The following TMTC1 variants were observed in gnomAD, a reference collection of about 807,000 sequenced individuals.
The protein encoded by TMTC1 is transmembrane O-mannosyltransferase targeting cadherins 1, also known as protein O-mannosyl-transferase TMTC1.
TMTC1 carries 73 observed loss-of-function variants against 104.8 expected under a neutral mutation model. That is an observed-to-expected ratio of 0.70 (90% CI 0.58 to 0.85). The LOEUF is 0.85. Ranked by LOEUF, TMTC1 falls within the 40% of genes least tolerant of loss-of-function variation. The probability of loss-of-function intolerance (pLI) is 0.00; values close to 1 mark genes in which losing one functional copy is unlikely to be tolerated. For missense variants in TMTC1, 1,035 were observed against 1,096.1 expected, an observed-to-expected ratio of 0.94 and a Z score of 0.79; for synonymous variants, 434 against 428.7, an observed-to-expected ratio of 1.01 and a Z score of -0.15.
intron 2 of TMTC1, among the ~76,000 whole-genome samples, chr12:29,765,265 T>C (rs1325459708): frequency 6.6e-6 from 1 of 152,188 alleles, no homozygotes; most frequent in East Asian, 1.9e-4. Context: ...TAACTTCCTA[T>C]GCATTGTAGA....
At chr12:29,768,130 A>C in intron 1 of TMTC1, 55 bp from the exon 2 acceptor site, 4 of 1,244,548 alleles carry the variant, frequency 3.2e-6, no homozygotes, top group Non-Finnish European at 3.3e-6. Flanking sequence ...CTCAACATAA[A>C]CACAAGGAAC....
At chr12:29,733,185 G>T (rs1942588926) in intron 5 of TMTC1, among the ~76,000 whole-genome samples, 1 of 152,174 alleles carries the variant, frequency 6.6e-6, no homozygotes. Flanking sequence ...ACAATCCTAT[G>T]AGAGAGATGT....
intron 7 of TMTC1, among the ~76,000 whole-genome samples, chr12:29,595,674 C>A (rs576319115): frequency 7.2e-5 from 11 of 152,312 alleles, no homozygotes; most frequent in East Asian, 3.9e-4. Context: ...GAGGGCACAG[C>A]GAGAGCAAAG....
chr12:29,602,386 T>C (rs927066371), intron 7 of TMTC1, among the ~76,000 whole-genome samples: 1 of 152,178 alleles, frequency 6.6e-6, no homozygotes, highest in Non-Finnish European at 1.5e-5. Flanking sequence ...TCAAGTGATA[T>C]ACATGCATCA....
rs1004364183 is a variant in TMTC1 at position 29,652,348 on chromosome 12, T to C, written c.939-19012A>G. 3.3e-5 allele frequency among the ~76,000 whole-genome samples: 5 copies of C among 152,130 alleles called. No homozygotes were observed. The South Asian group carries it at 6.2e-4, about 19-fold the overall frequency. ...AGGAAGACCCAAGATGATATTGGGG[T>C]TCCATAACTGCATGCATTTCAAGCC... is the stretch of plus-strand genomic sequence containing the variant. On this transcript the variant is annotated intron_variant, in intron 5 of 17. Transcript: ENST00000539277.
intron 5 of TMTC1, chr12:29,660,796 A>G: frequency 8.6e-7 from 1 of 1,166,744 alleles, no homozygotes; most frequent in Non-Finnish European, 1.2e-6. Flanking sequence ...ATATATATAT[A>G]TACTTACATA....
intron 5 of TMTC1, among the ~76,000 whole-genome samples, chr12:29,707,627 G>T (rs1234454850): frequency 6.6e-6 from 1 of 152,172 alleles, no homozygotes; most frequent in Admixed American, 6.5e-5. Context: ...AAACCTGGAG[G>T]ATTTTGCAGA....
chr12:29,662,836 C>T (rs73269869), intron 5 of TMTC1, among the ~76,000 whole-genome samples: 3,171 of 152,140 alleles, frequency 0.021, 104 homozygotes, highest in African/African-American at 0.072. Context: ...CAGATCTGGC[C>T]GTTCAAGTAT....
Position 29,633,096 on chromosome 12 carries a change from T to C in TMTC1, c.1128+51A>G, listed in dbSNP as rs184028780. On this transcript the variant is annotated intron_variant, in intron 6 of 17. Coordinates refer to ENST00000539277, the MANE Select transcript of TMTC1 (RefSeq NM_001193451.2). ...CGCACTAAAAAGAACATTATAGGCA[T>C]AGAATATCTGTCTTCAAATGCAGAG... 2.6e-4 allele frequency: 397 copies of C among 1,530,304 alleles called. No homozygotes were observed. The African/African-American group carries it at 4.7e-3, about 18-fold the overall frequency. The allele number at this position is 1,530,304 out of a possible 1,614,324, so 94.8% of individuals were successfully genotyped here. A position where few individuals can be genotyped will look rare whatever the true frequency, so the allele number is the denominator to read the frequency against.
Position 29,698,870 on chromosome 12 carries a change from T to C in TMTC1, c.938+52796A>G, listed in dbSNP as rs145674287. Among the ~76,000 whole-genome samples, 229 of 152,324 alleles carry C rather than the reference T, an allele frequency of 1.5e-3. 1 individual carries two copies. The Middle Eastern group carries it at 0.034, about 23-fold the overall frequency. On this transcript the variant is annotated intron_variant, in intron 5 of 17. Coordinates refer to ENST00000539277, the MANE Select transcript of TMTC1 (RefSeq NM_001193451.2). ...AAATGGGGAAAGAGGGGGTTAAAAC[T>C]GCATTGCTGGAACAACCCCATACTC... is the stretch of plus-strand genomic sequence containing the variant.
At chr12:29,670,258 C>T (rs1591899849) in intron 5 of TMTC1, among the ~76,000 whole-genome samples, 1 of 152,176 alleles carries the variant, frequency 6.6e-6, no homozygotes, top group South Asian at 2.1e-4. Context: ...GATACTGGGA[C>T]TGTCTGGGTA....
intron 5 of TMTC1, among the ~76,000 whole-genome samples, chr12:29,672,195 T>G (rs1940543584): frequency 6.6e-6 from 1 of 152,184 alleles, no homozygotes; most frequent in South Asian, 2.1e-4. Flanking sequence ...TGTCCCTTCA[T>G]CCTGGCCCAG....
At chr12:29,749,848 G>A (rs954305538) in intron 5 of TMTC1, among the ~76,000 whole-genome samples, 1 of 151,652 alleles carries the variant, frequency 6.6e-6, no homozygotes, top group African/African-American at 2.4e-5. Flanking sequence ...ATTAATTAGC[G>A]AGTCCTATTG....
intron 5 of TMTC1, among the ~76,000 whole-genome samples, chr12:29,663,610 G>A (rs1940136033): frequency 2.0e-5 from 3 of 151,624 alleles, no homozygotes; most frequent in African/African-American, 2.4e-5. Flanking sequence ...TCTGCCTCCC[G>A]GGTTCAAGCT....
chr12:29,564,507 G>A (rs1420835439), intron 9 of TMTC1, among the ~76,000 whole-genome samples: 1 of 152,136 alleles, frequency 6.6e-6, no homozygotes, highest in Non-Finnish European at 1.5e-5. Flanking sequence ...CTTTAAGGAG[G>A]AGGAAGTGGT....
chr12:29,538,978 C>T (rs970325271), intron 10 of TMTC1, among the ~76,000 whole-genome samples: 1 of 152,160 alleles, frequency 6.6e-6, no homozygotes, highest in Non-Finnish European at 1.5e-5. Flanking sequence ...CATCACATGC[C>T]ACCTTGAGAG....
At chr12:29,538,220 A>C (rs1944697882) in intron 10 of TMTC1, among the ~76,000 whole-genome samples, 1 of 152,232 alleles carries the variant, frequency 6.6e-6, no homozygotes, top group African/African-American at 2.4e-5. Context: ...ACATTTAAAG[A>C]GTACCCACAA....
At position 29,585,554 on chromosome 12, in the gene TMTC1, T is replaced by G. The variant is rs1946110388; in HGVS notation, c.1251-1980A>C. Among the ~76,000 whole-genome samples the G allele has an allele frequency of 2.0e-5, 3 of 152,208 alleles. No individual in the cohort carries two copies. In the South Asian group the frequency reaches 6.2e-4, roughly 32 times the overall value. On this transcript the variant is annotated intron_variant, in intron 7 of 17. Transcript: ENST00000539277. The stretch of plus-strand genomic sequence containing the variant: ...GAATGGTATTGCCTAGGTTTTCTTC[T>G]AGGGTTTTTATAGTTTTAGGTCTAA...
At chr12:29,602,632 T>C (rs1158634728) in intron 7 of TMTC1, among the ~76,000 whole-genome samples, 1 of 152,162 alleles carries the variant, frequency 6.6e-6, no homozygotes, top group East Asian at 1.9e-4. Context: ...ATAAAGAATA[T>C]AACATGCTTA....
Sources: gnomAD v4.1 joint callset for allele counts (sites outside exome capture counted in the v4.1 genomes callset) on GRCh38, gnomAD v4.1.1 for gene constraint, MANE v1.5 for transcripts, NCBI Gene and HGNC (gene_info 2026-07-23, HGNC 2026-07-21) for gene names.